IMMP2L: variants seen among roughly 807,000 people sequenced by gnomAD.
The protein encoded by IMMP2L is inner mitochondrial membrane peptidase subunit 2.
Under a neutral mutation model 19.3 loss-of-function variants are expected in IMMP2L, and 18 were observed. That is an observed-to-expected ratio of 0.93 (90% CI 0.64 to 1.38). IMMP2L has a LOEUF of 1.38. Ranked by LOEUF, IMMP2L falls within the 40% of genes most tolerant of loss-of-function variation. IMMP2L has a pLI of 0.00. For missense variants in IMMP2L, 233 were observed against 218.2 expected, an observed-to-expected ratio of 1.07 and a Z score of -0.43; for synonymous variants, 76 against 73.0, an observed-to-expected ratio of 1.04 and a Z score of -0.21.
At chr7:111,269,418 G>C (rs1271635985) in intron 3 of IMMP2L, among the ~76,000 whole-genome samples, 1 of 152,062 alleles carries the variant, frequency 6.6e-6, no homozygotes, top group African/African-American at 2.4e-5. Context: ...AGACATGCAA[G>C]TATGCAAATA....
At chr7:111,505,097 A>G (rs1327484648) in intron 2 of IMMP2L, among the ~76,000 whole-genome samples, 2 of 152,148 alleles carry the variant, frequency 1.3e-5, no homozygotes, top group Non-Finnish European at 2.9e-5. Flanking sequence ...AATATCCAGA[A>G]TCTACAAAGA....
intron 3 of IMMP2L, among the ~76,000 whole-genome samples, chr7:110,982,191 T>G (rs1373242530): frequency 1.3e-5 from 2 of 152,120 alleles, no homozygotes; most frequent in East Asian, 3.9e-4. Flanking sequence ...AATTCTCATG[T>G]TTTCAAAAAC....
intron 4 of IMMP2L, among the ~76,000 whole-genome samples, chr7:110,917,668 C>T (rs562977968): frequency 5.3e-5 from 8 of 152,174 alleles, no homozygotes; most frequent in East Asian, 1.9e-4. Flanking sequence ...GTCCCTGGAA[C>T]GAAGGCAAAG....
chr7:111,456,192 T>G (rs1460339184), intron 3 of IMMP2L, among the ~76,000 whole-genome samples: 1 of 151,960 alleles, frequency 6.6e-6, no homozygotes, highest in Non-Finnish European at 1.5e-5. Context: ...TTGACTGAAC[T>G]AAGGTTATTC....
chr7:110,792,338 A>AT (rs201900511), intron 5 of IMMP2L, among the ~76,000 whole-genome samples: 3 of 150,996 alleles, frequency 2.0e-5, no homozygotes, highest in African/African-American at 4.9e-5. Flanking sequence ...AGTTGATACC[A>AT]TTTTTTTCCC....
At chr7:111,136,228 A>G (rs538189274) in intron 3 of IMMP2L, among the ~76,000 whole-genome samples, 2 of 152,174 alleles carry the variant, frequency 1.3e-5, no homozygotes, top group South Asian at 2.1e-4. Flanking sequence ...GGGTTTCACC[A>G]TCTTGGCCAG....
chr7:111,358,876 G>A (rs1252657914), intron 3 of IMMP2L, among the ~76,000 whole-genome samples: 3 of 152,102 alleles, frequency 2.0e-5, no homozygotes, highest in Non-Finnish European at 4.4e-5. Flanking sequence ...CTGTGATTTA[G>A]CCAGAGATAA....
At chr7:111,199,754 G>C (rs906317286) in intron 3 of IMMP2L, among the ~76,000 whole-genome samples, 1 of 152,072 alleles carries the variant, frequency 6.6e-6, no homozygotes, top group African/African-American at 2.4e-5. Flanking sequence ...TCTTATGAGT[G>C]CATGTGCATT....
chr7:110,986,903 T>TTTTAAATA (rs1821919272), intron 3 of IMMP2L, among the ~76,000 whole-genome samples: 1 of 152,086 alleles, frequency 6.6e-6, no homozygotes, highest in Non-Finnish European at 1.5e-5. Context: ...ATATTTTATC[T>TTTTAAATA]TTTAAATATT....
intron 3 of IMMP2L, among the ~76,000 whole-genome samples, chr7:111,108,498 C>A (rs1438073017): frequency 1.3e-5 from 2 of 152,048 alleles, no homozygotes; most frequent in Non-Finnish European, 2.9e-5. Context: ...CAATTGAAAA[C>A]TATATCTCAA....
At chr7:110,773,254 A>G (rs1212040328) in intron 5 of IMMP2L, among the ~76,000 whole-genome samples, 1 of 152,088 alleles carries the variant, frequency 6.6e-6, no homozygotes, top group Non-Finnish European at 1.5e-5. Flanking sequence ...AGGTCTCTAT[A>G]CTGACAAAAT....
At chr7:110,681,763 A>T (rs1311847315) in intron 5 of IMMP2L, among the ~76,000 whole-genome samples, 1 of 152,076 alleles carries the variant, frequency 6.6e-6, no homozygotes, top group African/African-American at 2.4e-5. Flanking sequence ...CATAAGCTTG[A>T]CCCATGCAAT....
At chr7:110,722,344 C>T (rs891133419) in intron 5 of IMMP2L, among the ~76,000 whole-genome samples, 5 of 152,062 alleles carry the variant, frequency 3.3e-5, no homozygotes, top group African/African-American at 9.6e-5. Context: ...ATTCAATTCT[C>T]GAAAACCACC....
At chr7:111,265,685 C>A (rs1012683184) in intron 3 of IMMP2L, among the ~76,000 whole-genome samples, 1 of 152,070 alleles carries the variant, frequency 6.6e-6, no homozygotes, top group Non-Finnish European at 1.5e-5. Flanking sequence ...CAAGAAAGGT[C>A]TGCTTAGAAA....
chr7:111,500,998 G>A (rs1279576366), intron 2 of IMMP2L, among the ~76,000 whole-genome samples: 1 of 152,164 alleles, frequency 6.6e-6, no homozygotes, highest in Non-Finnish European at 1.5e-5. Context: ...GTTGAGAGAA[G>A]AAGGCTTCAG....
chr7:110,948,471 T>C (rs553518242), intron 4 of IMMP2L, among the ~76,000 whole-genome samples: 1 of 152,292 alleles, frequency 6.6e-6, no homozygotes, highest in South Asian at 2.1e-4. Context: ...CAAGCTAAAA[T>C]AGCCACCAAA....
intron 5 of IMMP2L, among the ~76,000 whole-genome samples, chr7:110,868,831 A>G (rs1338087989): frequency 6.6e-6 from 1 of 152,006 alleles, no homozygotes; most frequent in Non-Finnish European, 1.5e-5. Flanking sequence ...CAATCTAATC[A>G]ATTTCTTGTT....
At chr7:111,408,426 C>T (rs1834082547) in intron 3 of IMMP2L, among the ~76,000 whole-genome samples, 1 of 151,696 alleles carries the variant, frequency 6.6e-6, no homozygotes, top group Admixed American at 6.6e-5. Flanking sequence ...TATGGGTACA[C>T]ATAAATACAA....
At chr7:111,346,354 G>A (rs1315897061) in intron 3 of IMMP2L, among the ~76,000 whole-genome samples, 1 of 152,156 alleles carries the variant, frequency 6.6e-6, no homozygotes, top group Admixed American at 6.6e-5. Flanking sequence ...CCTAAGCAGA[G>A]CAGAGGAGAG....
Sources: gnomAD v4.1 joint callset for allele counts (sites outside exome capture counted in the v4.1 genomes callset) on GRCh38, gnomAD v4.1.1 for gene constraint, MANE v1.5 for transcripts, NCBI Gene and HGNC (gene_info 2026-07-23, HGNC 2026-07-21) for gene names.